Variants in PPP2R2C observed in about 807,000 individuals in gnomAD.
PPP2R2C encodes protein phosphatase 2 regulatory subunit Bgamma, also known as protein phosphatase 2, regulatory subunit B, gamma.
A neutral mutation model predicts 45.3 loss-of-function variants in PPP2R2C; 10 were observed. The ratio of observed to expected loss-of-function variants is 0.22; its 90% CI spans 0.14 to 0.37. The LOEUF is 0.37. PPP2R2C is among the 10% of genes least tolerant of loss of function. PPP2R2C has a pLI of 1.00. For missense variants in PPP2R2C, 308 were observed against 619.7 expected, an observed-to-expected ratio of 0.50 and a Z score of 5.34; for synonymous variants, 257 against 245.4, an observed-to-expected ratio of 1.05 and a Z score of -0.44.
intron 1 of PPP2R2C, among the ~76,000 whole-genome samples, chr4:6,406,796 C>A (rs1717825418): frequency 6.6e-6 from 1 of 152,024 alleles, no homozygotes; most frequent in South Asian, 2.1e-4. Flanking sequence ...AAATAAAAAA[C>A]AAAAGGTATG....
intron 5 of PPP2R2C, among the ~76,000 whole-genome samples, chr4:6,355,165 G>T (rs1045673490): frequency 2.6e-5 from 4 of 152,300 alleles, no homozygotes; most frequent in Non-Finnish European, 5.9e-5. Flanking sequence ...TGCACCTTCA[G>T]TGCCTGGCAC....
chr4:6,406,344 A>C (rs1717793300), intron 1 of PPP2R2C, among the ~76,000 whole-genome samples: 1 of 152,212 alleles, frequency 6.6e-6, no homozygotes, highest in Admixed American at 6.5e-5. Context: ...AGCTTAGAAA[A>C]ATAAAGTGCT....
At chr4:6,562,962 CAAAA>C (rs746793663) in intron 1 of PPP2R2C, among the ~76,000 whole-genome samples, 4 of 83,242 alleles carry the variant, frequency 4.8e-5, no homozygotes, top group Admixed American at 1.3e-4. Context: ...CCCTGCCAGC[CAAAA>C]AAAAAAAAAA....
Position 6,329,319 on chromosome 4 carries a change from A to G in PPP2R2C, c.995T>C (p.Leu332Pro), listed in dbSNP as rs1732210849. The change falls in exon 8 of 9, where the codon CTG (leucine) becomes CCG (proline). Residue 332 changes from leucine to proline, a missense_variant. Physicochemically the swap from Leu to Pro is moderately conservative, Grantham distance 98 (BLOSUM62 -3). Coordinates refer to ENST00000382599, the MANE Select transcript of PPP2R2C (RefSeq NM_020416.4). The surrounding 1 kb of genome is among the most constrained non-coding windows in gnomAD (Gnocchi z 5.8). ...HDYLRSKLCS[L>P]YENDCIFDKF... is the part of the protein sequence containing the mutation. ...GTCGAAAATGCAGTCGTTCTCGTAC[A>G]GGGAACAGAGCTTGCTCCGAAGGTA... 1 of 1,614,090 alleles carries G rather than the reference A, an allele frequency of 6.2e-7. No homozygotes were observed.
chr4:6,530,551 C>T (rs1012144909), intron 2 of PPP2R2C, among the ~76,000 whole-genome samples: 8 of 152,158 alleles, frequency 5.3e-5, no homozygotes, highest in East Asian at 1.9e-4. Context: ...TCACCCACCA[C>T]GCAACTGAAC....
chr4:6,513,995 C>T (rs755711208), intron 2 of PPP2R2C, among the ~76,000 whole-genome samples: 1 of 152,190 alleles, frequency 6.6e-6, no homozygotes, highest in Non-Finnish European at 1.5e-5. Flanking sequence ...TGTTCAAATA[C>T]AGATGGGGTG....
At chr4:6,464,342 C>G (rs555312004) in intron 1 of PPP2R2C, among the ~76,000 whole-genome samples, 1 of 152,306 alleles carries the variant, frequency 6.6e-6, no homozygotes, top group East Asian at 1.9e-4. Flanking sequence ...ACTAACAGGA[C>G]TCCCCAGGGT....
chr4:6,495,411 GCACAGTACCT>G (rs2108789515), intron 2 of PPP2R2C, among the ~76,000 whole-genome samples: 1 of 152,332 alleles, frequency 6.6e-6, no homozygotes, highest in Non-Finnish European at 1.5e-5. Context: ...CCGGTGCCTG[GCACAGTACCT>G]GGCATGCAGA....
intron 2 of PPP2R2C, among the ~76,000 whole-genome samples, chr4:6,495,741 A>T (rs1452948033): frequency 2.6e-5 from 4 of 152,212 alleles, no homozygotes; most frequent in African/African-American, 9.6e-5. Flanking sequence ...GCCGGGAGGG[A>T]GAGGAGGCTC....
chr4:6,503,429 T>C (rs1334854964), intron 2 of PPP2R2C, among the ~76,000 whole-genome samples: 1 of 152,236 alleles, frequency 6.6e-6, no homozygotes, highest in African/African-American at 2.4e-5. Context: ...CCATCACTTT[T>C]CTTGGCCTTC....
intron 1 of PPP2R2C, among the ~76,000 whole-genome samples, chr4:6,410,853 ATTTATTTAT>A (rs1173912397): frequency 7.1e-6 from 1 of 140,746 alleles, no homozygotes; most frequent in African/African-American, 3.0e-5. Flanking sequence ...TTATTTATTT[ATTTATTTAT>A]TTATTTATTT....
intron 1 of PPP2R2C, among the ~76,000 whole-genome samples, chr4:6,427,944 A>G (rs1038252718): frequency 2.0e-5 from 3 of 152,158 alleles, no homozygotes; most frequent in Non-Finnish European, 4.4e-5. Context: ...CTAACAGCCC[A>G]AGGAGGTGGG....
intron 2 of PPP2R2C, among the ~76,000 whole-genome samples, chr4:6,533,479 C>T (rs1363085227): frequency 6.6e-6 from 1 of 152,160 alleles, no homozygotes; most frequent in African/African-American, 2.4e-5. Flanking sequence ...TGTGGGGTGC[C>T]AGGGCCTGGT....
chr4:6,421,416 TTGTC>T (rs2109393074), intron 1 of PPP2R2C, among the ~76,000 whole-genome samples: 1 of 152,280 alleles, frequency 6.6e-6, no homozygotes, highest in Admixed American at 6.5e-5. Context: ...GAGTGAGGGT[TTGTC>T]CTCATGTTTG....
chr4:6,465,016 T>G (rs185039208), intron 1 of PPP2R2C, among the ~76,000 whole-genome samples: 3 of 152,278 alleles, frequency 2.0e-5, no homozygotes, highest in Admixed American at 2.0e-4. Context: ...AGGAATAGTA[T>G]GCAGCCAATG....
intron 1 of PPP2R2C, among the ~76,000 whole-genome samples, chr4:6,385,360 T>C (rs1371545771): frequency 6.6e-6 from 1 of 152,188 alleles, no homozygotes; most frequent in Non-Finnish European, 1.5e-5. Context: ...TTAGGAAAAG[T>C]TGCCTCTCTT....
chr4:6,459,692 G>T (rs138035919), intron 1 of PPP2R2C, among the ~76,000 whole-genome samples: 2 of 152,198 alleles, frequency 1.3e-5, no homozygotes, highest in East Asian at 3.9e-4. Flanking sequence ...GAGACTGAGA[G>T]ACAAGAATTG....
intron 2 of PPP2R2C, among the ~76,000 whole-genome samples, chr4:6,518,367 T>C (rs1460253631): frequency 3.9e-5 from 6 of 152,128 alleles, no homozygotes; most frequent in Non-Finnish European, 8.8e-5. Flanking sequence ...CAAAAACTGG[T>C]TCTTTGAAAA....
chr4:6,326,147 T>G (rs184604778), intron 8 of PPP2R2C, among the ~76,000 whole-genome samples: 2 of 152,102 alleles, frequency 1.3e-5, no homozygotes, highest in African/African-American at 4.8e-5. Context: ...GATCCTTCCA[T>G]GAGAGTTTTA....
Sources: gnomAD v4.1 joint callset for allele counts (sites outside exome capture counted in the v4.1 genomes callset) on GRCh38, gnomAD v4.1.1 for gene constraint, Gnocchi (gnomAD v3.1) non-coding constraint, MANE v1.5 for transcripts, NCBI Gene and HGNC (gene_info 2026-07-23, HGNC 2026-07-21) for gene names.